RIN2: variants seen among roughly 807,000 people sequenced by gnomAD.
RIN2 encodes Ras and Rab interactor 2.
In RIN2, 36 loss-of-function variants were observed where a neutral mutation model predicts 78.0. The ratio of observed to expected loss-of-function variants is 0.46; its 90% CI spans 0.35 to 0.61. RIN2 has a LOEUF of 0.61. Among genes scored for constraint, RIN2 ranks in the 20% least tolerant of loss-of-function variants. The probability of loss-of-function intolerance (pLI) is 0.00; values close to 1 mark genes in which losing one functional copy is unlikely to be tolerated. For synonymous variants in RIN2, 466 were observed against 466.8 expected (o/e 1.00, Z 0.02); for missense variants, 1,087 against 1,159.7 (o/e 0.94, Z 0.91).
intron 3 of RIN2, chr20:19,934,528 A>G (rs1490598584): frequency 3.0e-6 from 3 of 985,112 alleles, no homozygotes; most frequent in Admixed American, 6.2e-5. Flanking sequence ...AGCCTCACTC[A>G]GTCCTTTCTC....
At chr20:19,770,970 C>G (rs1017400145) in intron 1 of RIN2, among the ~76,000 whole-genome samples, 2 of 151,562 alleles carry the variant, frequency 1.3e-5, no homozygotes, top group African/African-American at 4.8e-5. Flanking sequence ...GCCCCTTCTT[C>G]GAGTTCAACT....
At chr20:19,883,076 C>T (rs6046405) in intron 2 of RIN2, among the ~76,000 whole-genome samples, 70 of 152,258 alleles carry the variant, frequency 4.6e-4, no homozygotes, top group African/African-American at 1.6e-3. Context: ...TGTATGCAGA[C>T]TTTTCAATGA....
intron 3 of RIN2, among the ~76,000 whole-genome samples, chr20:19,899,594 T>C (rs1465412889): frequency 1.3e-5 from 2 of 152,158 alleles, no homozygotes; most frequent in African/African-American, 2.4e-5. Context: ...TGGGAGGAGT[T>C]GGTGGCCAGG....
intron 9 of RIN2, among the ~76,000 whole-genome samples, chr20:19,985,629 T>C (rs2042597255): frequency 6.6e-6 from 1 of 152,142 alleles, no homozygotes; most frequent in African/African-American, 2.4e-5. Context: ...CCCAGTGTTT[T>C]GGGAGGCTGA....
intron 1 of RIN2, among the ~76,000 whole-genome samples, chr20:19,781,468 G>A (rs564678078): frequency 1.2e-4 from 19 of 152,248 alleles, no homozygotes; most frequent in African/African-American, 4.1e-4. Context: ...TGACATCTGC[G>A]TACCCTTTAC....
intron 11 of RIN2, among the ~76,000 whole-genome samples, chr20:19,994,364 CTT>C (rs1195924500): frequency 6.6e-6 from 1 of 152,224 alleles, no homozygotes; most frequent in Non-Finnish European, 1.5e-5. Context: ...CCAAAGTCCT[CTT>C]TGGTTTGCGG....
chr20:19,932,106 A>C (rs1418821109), intron 3 of RIN2, among the ~76,000 whole-genome samples: 2 of 152,234 alleles, frequency 1.3e-5, no homozygotes, highest in Non-Finnish European at 2.9e-5. Context: ...AACGGTCTTA[A>C]AAGGTGAGAC....
chr20:19,882,596 T>C (rs2038056761), intron 2 of RIN2, among the ~76,000 whole-genome samples: 1 of 152,166 alleles, frequency 6.6e-6, no homozygotes, highest in Non-Finnish European at 1.5e-5. Context: ...TGTGGCTTCT[T>C]TGTCCATGGG....
chr20:19,894,534 G>A (rs2038630300), intron 3 of RIN2, among the ~76,000 whole-genome samples: 3 of 152,182 alleles, frequency 2.0e-5, no homozygotes, highest in Admixed American at 1.3e-4. Flanking sequence ...TTTCAGGCAT[G>A]AGCCAGCACC....
At chr20:19,805,995 T>C (rs1488251492) in intron 2 of RIN2, among the ~76,000 whole-genome samples, 1 of 152,198 alleles carries the variant, frequency 6.6e-6, no homozygotes, top group Non-Finnish European at 1.5e-5. Flanking sequence ...TGTGATAGTT[T>C]GCTGAGAATG....
At chr20:19,945,945 C>T (rs780912062) in intron 4 of RIN2, among the ~76,000 whole-genome samples, 4 of 152,166 alleles carry the variant, frequency 2.6e-5, no homozygotes, top group Admixed American at 6.5e-5. Context: ...GAAACAAGAA[C>T]GCTTTGTCTC....
chr20:19,978,087 G>A (rs1215410962), intron 9 of RIN2, among the ~76,000 whole-genome samples: 3 of 151,998 alleles, frequency 2.0e-5, no homozygotes, highest in Admixed American at 2.0e-4. Context: ...ATTAGATTAG[G>A]CCTCTGACCA....
rs759077033 is a variant in RIN2 at position 19,990,354 on chromosome 20, G to A, written c.2068+43G>A. ...CCAGGCTTCGTGCCGCTTCCCTTCC[G>A]GGCCGGGGACAGGCCTCTCTCCTGT... is the stretch of plus-strand genomic sequence containing the variant. On this transcript the variant is annotated intron_variant, in intron 10 of 12. Coordinates refer to ENST00000255006, the MANE Select transcript of RIN2 (RefSeq NM_018993.4). 22 of 1,562,980 alleles carry A rather than the reference G, an allele frequency of 1.4e-5. No homozygotes were observed. In the Admixed American group the frequency reaches 1.6e-4, roughly 11 times the overall value.
intron 2 of RIN2, among the ~76,000 whole-genome samples, chr20:19,803,278 A>T (rs1359847970): frequency 6.6e-6 from 1 of 152,218 alleles, no homozygotes; most frequent in Non-Finnish European, 1.5e-5. Context: ...ACTAGCATTT[A>T]TTGAAAGCTT....
intron 1 of RIN2, among the ~76,000 whole-genome samples, chr20:19,766,557 G>A (rs2033893035): frequency 6.6e-6 from 1 of 152,120 alleles, no homozygotes; most frequent in Non-Finnish European, 1.5e-5. Context: ...AGATGTCTAA[G>A]CTACGGTGGA....
intron 3 of RIN2, among the ~76,000 whole-genome samples, chr20:19,898,571 G>A (rs2038842837): frequency 6.6e-6 from 1 of 152,228 alleles, no homozygotes; most frequent in African/African-American, 2.4e-5. Context: ...TAGAAAGGCA[G>A]TCTGTGATAA....
At chr20:19,928,874 C>T (rs1402179921) in intron 3 of RIN2, among the ~76,000 whole-genome samples, 1 of 152,166 alleles carries the variant, frequency 6.6e-6, no homozygotes, top group Non-Finnish European at 1.5e-5. Context: ...AACACATCAC[C>T]CCTCTGTCCT....
chr20:19,907,601 C>T (rs1375047851), intron 3 of RIN2, among the ~76,000 whole-genome samples: 2 of 152,192 alleles, frequency 1.3e-5, no homozygotes, highest in Admixed American at 6.5e-5. Flanking sequence ...GATGCAGGAA[C>T]ACTGAGCTCA....
chr20:19,993,653 C>A (rs2042867568), intron 11 of RIN2, among the ~76,000 whole-genome samples: 1 of 152,086 alleles, frequency 6.6e-6, no homozygotes, highest in South Asian at 2.1e-4. Flanking sequence ...AACCATGGAA[C>A]CAGACACTCC....
Sources: allele counts gnomAD v4.1 joint callset (sites outside exome capture counted in the v4.1 genomes callset), GRCh38; gene constraint gnomAD v4.1.1; transcripts MANE v1.5; gene names NCBI Gene and HGNC (gene_info 2026-07-23, HGNC 2026-07-21).